TAFA5: variants seen among roughly 807,000 people sequenced by gnomAD.
The protein encoded by TAFA5 is TAFA chemokine like family member 5.
In TAFA5, 6 loss-of-function variants were observed where a neutral mutation model predicts 15.3. The observed-to-expected ratio is 0.39, with a 90% confidence interval of 0.21 to 0.77. The LOEUF (loss-of-function observed/expected upper bound fraction) is 0.77. Ranked by LOEUF, TAFA5 falls within the 30% of genes least tolerant of loss-of-function variation. The probability of loss-of-function intolerance (pLI) is 0.41; values close to 1 mark genes in which losing one functional copy is unlikely to be tolerated. For synonymous variants in TAFA5, 103 were observed against 80.7 expected, an observed-to-expected ratio of 1.28 and a Z score of -1.48; for missense variants, 161 against 193.1, an observed-to-expected ratio of 0.83 and a Z score of 0.98.
chr22:48,690,386 T>C (rs1402183039), intron 2 of TAFA5, among the ~76,000 whole-genome samples: 1 of 152,022 alleles, frequency 6.6e-6, no homozygotes, highest in East Asian at 1.9e-4. Flanking sequence ...TGTGGCTCTT[T>C]GGGACGTGTA....
At chr22:48,633,496 G>T (rs1926308754) in intron 1 of TAFA5, among the ~76,000 whole-genome samples, 1 of 45,964 alleles carries the variant, frequency 2.2e-5, no homozygotes, top group African/African-American at 2.0e-4. Context: ...TTTGCTCTGT[G>T]TCTGTCTGTC....
At position 48,705,377 on chromosome 22, in the gene TAFA5, C is replaced by G. The variant is rs370434567; in HGVS notation, c.263-2340C>G. Among the ~76,000 whole-genome samples the G allele has an allele frequency of 4.8e-4, 73 of 152,322 alleles. 2 individuals are homozygous for G. The South Asian group carries it at 0.015, about 32-fold the overall frequency. ...ATGCAGGCTTCAGGCAGCTCCTCCC[C>G]CCTTGTCGGAACTGAGGACGAGAAC... On this transcript the variant is annotated intron_variant, in intron 2 of 3. Coordinates refer to ENST00000402357, the MANE Select transcript of TAFA5 (RefSeq NM_001082967.3).
intron 2 of TAFA5, among the ~76,000 whole-genome samples, chr22:48,691,027 G>T (rs903026995): frequency 1.3e-5 from 2 of 152,090 alleles, no homozygotes; most frequent in South Asian, 4.2e-4. Context: ...CCTGAGCGCC[G>T]TCAATCTCCA....
At chr22:48,581,549 G>T (rs571684694) in intron 1 of TAFA5, among the ~76,000 whole-genome samples, 1 of 152,332 alleles carries the variant, frequency 6.6e-6, no homozygotes, top group African/African-American at 2.4e-5. Flanking sequence ...GTAGGAGAGG[G>T]GCCACTGGCG....
At chr22:48,603,999 C>T (rs1925068029) in intron 1 of TAFA5, among the ~76,000 whole-genome samples, 3 of 152,246 alleles carry the variant, frequency 2.0e-5, no homozygotes, top group African/African-American at 7.2e-5. Flanking sequence ...CCGATGACAC[C>T]CACCCGGGAG....
intron 3 of TAFA5, among the ~76,000 whole-genome samples, chr22:48,711,435 G>A (rs996878731): frequency 3.9e-5 from 6 of 152,014 alleles, no homozygotes; most frequent in Non-Finnish European, 7.4e-5. Flanking sequence ...ATCTTCCCAG[G>A]TATCTCGGGA....
At chr22:48,672,117 A>C (rs752728886) in intron 2 of TAFA5, among the ~76,000 whole-genome samples, 1 of 152,166 alleles carries the variant, frequency 6.6e-6, no homozygotes, top group Non-Finnish European at 1.5e-5. Context: ...ATATTGAGAG[A>C]TTTTCATCTC....
intron 2 of TAFA5, among the ~76,000 whole-genome samples, chr22:48,660,866 C>G (rs1358949928): frequency 6.6e-6 from 1 of 152,154 alleles, no homozygotes; most frequent in Admixed American, 6.5e-5. Flanking sequence ...GCTCCTGGCC[C>G]TGGGAGCACC....
rs375137888 is a variant in TAFA5, at chr22:48,742,479, G to T, written c.391-7360G>T. Reference sequence around the variant, plus strand: ...GGTGCTGTGTGGCGGAGCTGGCGGCGCAGTGGAGCGGGCGTTGTGGTGGAC... The same window carrying T: ...GGTGCTGTGTGGCGGAGCTGGCGGCTCAGTGGAGCGGGCGTTGTGGTGGAC... On this transcript the variant is annotated intron_variant, in intron 3 of 3. Coordinates refer to ENST00000402357, the MANE Select transcript of TAFA5 (RefSeq NM_001082967.3). The surrounding 1 kb of genome is among the most constrained non-coding windows in gnomAD (Gnocchi z 6.2). 2.0e-5 allele frequency among the ~76,000 whole-genome samples: 3 copies of T among 152,152 alleles called. No homozygotes were observed. Among genetic ancestry groups the T allele is most frequent in the East Asian group, 1.9e-4 (1 of 5,182 alleles).
intron 1 of TAFA5, among the ~76,000 whole-genome samples, chr22:48,509,217 A>G (rs1447871137): frequency 6.6e-6 from 1 of 152,032 alleles, no homozygotes; most frequent in South Asian, 2.1e-4. Context: ...CTGCTGATGG[A>G]CACTTAGGCT....
rs910459578 is a variant in TAFA5, at chr22:48,646,457, A to G, written c.113-140A>G. ...CTGGCAGCCTTCGAGGTGCTTTCGG[A>G]CGCTCCCTCTGAGTGAAGCGGTCTC... On this transcript the variant is annotated intron_variant, in intron 1 of 3. Transcript: ENST00000402357. 4 of 1,088,416 alleles carry G rather than the reference A, an allele frequency of 3.7e-6. No individual in the cohort carries two copies. In the African/African-American group the frequency reaches 6.4e-5, roughly 17 times the overall value. The allele number at this position is 1,088,416 out of a possible 1,614,324, so 67.4% of individuals were successfully genotyped here.
At chr22:48,532,650 G>A (rs1601559820) in intron 1 of TAFA5, among the ~76,000 whole-genome samples, 1 of 152,172 alleles carries the variant, frequency 6.6e-6, no homozygotes, top group African/African-American at 2.4e-5. Context: ...CCACCCAGTC[G>A]CTGGGGGCCT....
chr22:48,525,517 G>C (rs1178595478), intron 1 of TAFA5, among the ~76,000 whole-genome samples: 2 of 151,830 alleles, frequency 1.3e-5, no homozygotes, highest in African/African-American at 2.4e-5. Context: ...CCTCCCGGCT[G>C]AACCTCTGCC....
intron 1 of TAFA5, among the ~76,000 whole-genome samples, chr22:48,642,669 G>A (rs141275833): frequency 6.6e-6 from 1 of 152,194 alleles, no homozygotes; most frequent in African/African-American, 2.4e-5. Flanking sequence ...TGGTCTGTGT[G>A]TGTGGAGTAT....
chr22:48,641,678 G>A (rs747058823), intron 1 of TAFA5, among the ~76,000 whole-genome samples: 7 of 137,434 alleles, frequency 5.1e-5, no homozygotes, highest in Admixed American at 3.7e-4. Flanking sequence ...CCTCGCACAC[G>A]CGTGTGCACA....
chr22:48,718,771 T>C (rs914367981), intron 3 of TAFA5, among the ~76,000 whole-genome samples: 3 of 152,074 alleles, frequency 2.0e-5, no homozygotes, highest in African/African-American at 7.2e-5. Context: ...CCCCCAACCT[T>C]CCAGTCCTCC....
At chr22:48,743,364 G>C (rs1459754540) in intron 3 of TAFA5, among the ~76,000 whole-genome samples, 2 of 152,214 alleles carry the variant, frequency 1.3e-5, no homozygotes, top group Non-Finnish European at 2.9e-5. Flanking sequence ...GGGGCCTGCT[G>C]CTCTGTGTGT....
intron 1 of TAFA5, among the ~76,000 whole-genome samples, chr22:48,615,814 G>A (rs979346115): frequency 2.0e-5 from 3 of 152,144 alleles, no homozygotes; most frequent in Non-Finnish European, 2.9e-5. Flanking sequence ...GCTCCTGTCC[G>A]CAGAGAACCC....
At chr22:48,622,252 G>A (rs1031181785) in intron 1 of TAFA5, among the ~76,000 whole-genome samples, 9 of 152,152 alleles carry the variant, frequency 5.9e-5, no homozygotes, top group Admixed American at 1.3e-4. Context: ...ATGTAGCCAC[G>A]TTTCAGTGAC....
Sources: gnomAD v4.1 joint callset for allele counts (sites outside exome capture counted in the v4.1 genomes callset) on GRCh38, gnomAD v4.1.1 for gene constraint, Gnocchi (gnomAD v3.1) non-coding constraint, MANE v1.5 for transcripts, NCBI Gene and HGNC (gene_info 2026-07-23, HGNC 2026-07-21) for gene names.